Variants in MAGOH observed in about 807,000 individuals in gnomAD.
The protein encoded by MAGOH is protein mago nashi homolog.
In MAGOH, 3 loss-of-function variants were observed where a neutral mutation model predicts 20.9. The ratio of observed to expected loss-of-function variants is 0.14; its 90% CI spans 0.07 to 0.37. MAGOH has a LOEUF of 0.37. MAGOH is among the 10% of genes least tolerant of loss of function. MAGOH has a pLI of 1.00. For synonymous variants in MAGOH, 51 were observed against 61.0 expected (o/e 0.84, Z 0.76); for missense variants, 66 against 178.1 (o/e 0.37, Z 3.58).
chr1:53,238,288 C>T (rs1462685350), intron 1 of MAGOH, 73 bp downstream of exon 1: 17 of 1,403,078 alleles, frequency 1.2e-5, no homozygotes, highest in Non-Finnish European at 1.4e-5. Context: ...CACAGATTTC[C>T]GACCCTCGGC....
chr1:53,228,761 G>A, intron 4 of MAGOH, 111 bp downstream of exon 4: 2 of 788,446 alleles, frequency 2.5e-6, no homozygotes, highest in Non-Finnish European at 4.4e-6. Flanking sequence ...CTGCCCACCT[G>A]CATTTTGCAT....
chr1:53,237,856 A>C (rs1645620584), intron 1 of MAGOH, among the ~76,000 whole-genome samples: 1 of 151,806 alleles, frequency 6.6e-6, no homozygotes, highest in Non-Finnish European at 1.5e-5. Context: ...TGCAGCCTTG[A>C]CATCTGGTAT....
At chr1:53,227,847 G>A (rs967528294) in intron 4 of MAGOH, among the ~76,000 whole-genome samples, 1 of 152,030 alleles carries the variant, frequency 6.6e-6, no homozygotes, top group Non-Finnish European at 1.5e-5. Context: ...CCCGAGTTAG[G>A]AAAACTTTTT....
intron 2 of MAGOH, among the ~76,000 whole-genome samples, chr1:53,234,328 G>A (rs1645601064): frequency 6.7e-6 from 1 of 150,008 alleles, no homozygotes; most frequent in South Asian, 2.1e-4. Flanking sequence ...CAGGCATTTT[G>A]TTGCAGCAAA....
intron 3 of MAGOH, among the ~76,000 whole-genome samples, chr1:53,232,144 TATG>T (rs1242539461): frequency 6.6e-6 from 1 of 152,174 alleles, no homozygotes; most frequent in African/African-American, 2.4e-5. Context: ...AATACATATA[TATG>T]ATATTACTGA....
At chr1:53,227,343 GCTT>G (rs945962784) in intron 4 of MAGOH, among the ~76,000 whole-genome samples, 199 bp from the exon 5 acceptor site, 3 of 152,046 alleles carry the variant, frequency 2.0e-5, no homozygotes, top group African/African-American at 7.2e-5. Context: ...TATTTTTTAT[GCTT>G]CTTAAAAAGT....
At chr1:53,237,360 A>C (rs992321948) in intron 1 of MAGOH, among the ~76,000 whole-genome samples, 7 of 151,558 alleles carry the variant, frequency 4.6e-5, no homozygotes, top group African/African-American at 9.7e-5. Flanking sequence ...AGAAGAGATC[A>C]CATTTCTTCT....
chr1:53,229,949 GAATCT>G lies in MAGOH; in HGVS notation c.259-1000_259-996del, dbSNP rs373994991. Among the ~76,000 whole-genome samples, 616 of 148,254 alleles carry G rather than the reference GAATCT, an allele frequency of 4.2e-3. 5 individuals carry two copies. The highest frequency in any genetic ancestry group is 0.014 in the African/African-American group (592 of 41,192). On this transcript the variant is annotated intron_variant, in intron 3 of 4. Transcript: ENST00000371470. ...ACAACAAACAAAAACAAAAACCAAA[GAATCT>G]AATCTATCTAGGCAACTTCCAGACC... is the stretch of plus-strand genomic sequence containing the variant.
Position 53,235,719 on chromosome 1 carries a change from C to T in MAGOH, c.89-84G>A, listed in dbSNP as rs113460273. The T allele has an allele frequency of 3.9e-6, 4 of 1,026,380 alleles. No individual in the cohort carries two copies. The East Asian group carries it at 9.5e-5, about 24-fold the overall frequency. 63.6% of individuals were successfully genotyped at this position (1,026,380 alleles called of 1,614,324 possible). ...ACCATGCCAAGGCATCAGCAGTTGC[C>T]CAAAATGTATCTAACTTGCTAAAAG... On this transcript the variant is annotated intron_variant, in intron 1 of 4. Coordinates refer to ENST00000371470, the MANE Select transcript of MAGOH (RefSeq NM_002370.4).
Position 53,226,910 on chromosome 1 carries a change from T to C in MAGOH, c.*135A>G, listed in dbSNP as rs1486086515. ...AGAAGAGTTCACATGTTCAGGTCTTTATAAAATAATAAAAATTGGATTTTA... is the reference window on the plus strand; with the variant it reads ...AGAAGAGTTCACATGTTCAGGTCTTCATAAAATAATAAAAATTGGATTTTA... On this transcript the variant is annotated 3_prime_UTR_variant, in exon 5 of 5. Coordinates refer to ENST00000371470, the MANE Select transcript of MAGOH (RefSeq NM_002370.4). The C allele has an allele frequency of 6.6e-6, 4 of 609,332 alleles. No homozygotes were observed. The highest frequency in any genetic ancestry group is 4.2e-5 in the South Asian group (2 of 47,750). The allele number at this position is 609,332 out of a possible 1,614,324, so 37.7% of individuals were successfully genotyped here.
At chr1:53,231,852 C>A (rs1645588132) in intron 3 of MAGOH, among the ~76,000 whole-genome samples, 1 of 152,162 alleles carries the variant, frequency 6.6e-6, no homozygotes, top group Non-Finnish European at 1.5e-5. Context: ...TTATAAATTA[C>A]TTTGTTGAAA....
Position 53,227,154 on chromosome 1 carries a change from A to G in MAGOH, c.342-10T>C, listed in dbSNP as rs776240386. 1.3e-6 allele frequency: 2 copies of G among 1,530,252 alleles called. No individual in the cohort carries two copies. The highest frequency in any genetic ancestry group is 2.4e-5 in the South Asian group (2 of 81,804). 94.8% of individuals were successfully genotyped at this position (1,530,252 alleles called of 1,614,324 possible). ...TAAGCCTTCTGGATCCCTAAAATACAAAAGGAAAAAAGTTTAGGCATTAAA... is the reference window on the plus strand; with the variant it reads ...TAAGCCTTCTGGATCCCTAAAATACGAAAGGAAAAAAGTTTAGGCATTAAA... On this transcript the variant is annotated splice_polypyrimidine_tract_variant and intron_variant, in intron 4 of 4. Transcript: ENST00000371470.
Position 53,227,106 on chromosome 1 carries a change from TG to T in MAGOH, c.379del (p.Gln127ArgfsTer3). The T allele has an allele frequency of 6.3e-7, 1 of 1,581,696 alleles. No individual in the cohort carries two copies. Among genetic ancestry groups the T allele is most frequent in the Non-Finnish European group, 8.6e-7 (1 of 1,164,084 alleles). On this transcript the variant is annotated frameshift_variant, in exon 5 of 5. Transcript: ENST00000371470. LOFTEE classifies it high-confidence loss of function. ...ACTGAAGACCAAACACTTCAGGTCC[TG>T]GACAAGATAATAAAATACTCGTAAG... The part of the protein sequence containing the change: ...EGLRVFYYLV[Q>X]DLKCLVFSLI...
Position 53,227,028 on chromosome 1 carries a change from C to G in MAGOH, c.*17G>C. The G allele has an allele frequency of 4.6e-6, 5 of 1,082,616 alleles. No individual in the cohort carries two copies. Among genetic ancestry groups the G allele is most frequent in the Non-Finnish European group, 6.8e-6 (5 of 739,332 alleles). The allele number at this position is 1,082,616 out of a possible 1,614,324, so 67.1% of individuals were successfully genotyped here. On this transcript the variant is annotated 3_prime_UTR_variant, in exon 5 of 5. Transcript: ENST00000371470. ...TTCTACTCCCACCCACCCCCCATGT[C>G]CACACCAATATTCAGTCTAGATTGG...
chr1:53,233,257 C>G (rs1645595033), intron 3 of MAGOH: 2 of 255,034 alleles, frequency 7.8e-6, no homozygotes, highest in African/African-American at 4.5e-5. Context: ...TTCAATATGA[C>G]AGTGGCTTTT....
At chr1:53,234,654 G>A (rs1645603202) in intron 2 of MAGOH, among the ~76,000 whole-genome samples, 1 of 152,134 alleles carries the variant, frequency 6.6e-6, no homozygotes, top group African/African-American at 2.4e-5. Context: ...GATTACAGGT[G>A]TGAGTCACCG....
chr1:53,236,675 G>C (rs1292363797), intron 1 of MAGOH, among the ~76,000 whole-genome samples: 1 of 152,148 alleles, frequency 6.6e-6, no homozygotes, highest in Non-Finnish European at 1.5e-5. Flanking sequence ...ACCCTTCTCT[G>C]CTGCGAGCCT....
intron 3 of MAGOH, 198 bp downstream of exon 3, chr1:53,233,344 T>TA (rs1295066100): frequency 1.0e-5 from 5 of 487,874 alleles, no homozygotes; most frequent in Non-Finnish European, 1.5e-5. Context: ...TTTAAATACA[T>TA]ACACTGAATT....
intron 3 of MAGOH, among the ~76,000 whole-genome samples, chr1:53,231,704 G>A (rs1174091260): frequency 6.6e-6 from 1 of 152,044 alleles, no homozygotes; most frequent in Non-Finnish European, 1.5e-5. Flanking sequence ...TACTACAAAT[G>A]ACCACAGCTT....
Sources: gnomAD v4.1 joint callset for allele counts (sites outside exome capture counted in the v4.1 genomes callset) on GRCh38, gnomAD v4.1.1 for gene constraint, MANE v1.5 for transcripts, NCBI Gene and HGNC (gene_info 2026-07-23, HGNC 2026-07-21) for gene names.